KIRREL3: variants seen among roughly 807,000 people sequenced by gnomAD.
The protein encoded by KIRREL3 is kin of IRRE-like protein 3.
KIRREL3 carries 36 observed loss-of-function variants against 89.7 expected under a neutral mutation model. The observed-to-expected ratio is 0.40, with a 90% CI of 0.31 to 0.53. The LOEUF is 0.53. KIRREL3 is among the 20% of genes least tolerant of loss of function. The probability of loss-of-function intolerance (pLI) is 0.49; values close to 1 mark genes in which losing one functional copy is unlikely to be tolerated. For synonymous variants in KIRREL3, 445 were observed against 441.4 expected (o/e 1.01, Z -0.10); for missense variants, 864 against 1,056.6 (o/e 0.82, Z 2.53).
chr11:126,474,852 G>A lies in KIRREL3; in HGVS notation c.434-1386C>T, dbSNP rs1007777617. Among the ~76,000 whole-genome samples, 1 of 152,206 alleles carries A rather than the reference G, an allele frequency of 6.6e-6. No homozygotes were observed. The highest frequency in any genetic ancestry group is 1.5e-5 in the Non-Finnish European group (1 of 68,036). On this transcript the variant is annotated intron_variant, in intron 4 of 16. Coordinates refer to ENST00000525144, the MANE Select transcript of KIRREL3 (RefSeq NM_032531.4). This position sits in a 1 kb window ranked among gnomAD's most constrained non-coding sequence, Gnocchi z 6.7. ...GTTTGGAGGAGAGGCCCAGAAATCT[G>A]AAGTACCTTGCCTAGGACACAGGGC...
rs1256037768 is a variant in KIRREL3, at chr11:126,987,998, T to A, written c.55+12457A>T. Among the ~76,000 whole-genome samples, 1 of 152,184 alleles carries A rather than the reference T, an allele frequency of 6.6e-6. No individual in the cohort carries two copies. The highest frequency in any genetic ancestry group is 1.5e-5 in the Non-Finnish European group (1 of 68,034). On this transcript the variant is annotated intron_variant, in intron 1 of 16. Coordinates refer to ENST00000525144, the MANE Select transcript of KIRREL3 (RefSeq NM_032531.4). The surrounding 1 kb of genome is among the most constrained non-coding windows in gnomAD (Gnocchi z 4.6). ...TAAGAGTCTTTTTATTTCCCCCTAATAACCATTATTAATCATTTCAGAAAC... is the reference window on the plus strand; with the variant it reads ...TAAGAGTCTTTTTATTTCCCCCTAAAAACCATTATTAATCATTTCAGAAAC...
Position 126,761,623 on chromosome 11 carries a change from T to C in KIRREL3, c.56-198711A>G, listed in dbSNP as rs1377358516. Among the ~76,000 whole-genome samples the C allele has an allele frequency of 6.6e-6, 1 of 152,242 alleles. No homozygotes were observed. The highest frequency in any genetic ancestry group is 2.1e-4 in the South Asian group (1 of 4,830). The stretch of plus-strand genomic sequence containing the variant: ...GATTATATGGTTACACTGTTATTAC[T>C]TTGAGACATAGTTACTCTTTCTTCT... On this transcript the variant is annotated intron_variant, in intron 1 of 16. Transcript: ENST00000525144. This position sits in a 1 kb window ranked among gnomAD's most constrained non-coding sequence, Gnocchi z 4.4.
chr11:126,899,291 C>T (rs941263270), intron 1 of KIRREL3, among the ~76,000 whole-genome samples: 1 of 152,128 alleles, frequency 6.6e-6, no homozygotes, highest in African/African-American at 2.4e-5. Context: ...CCTTTCACTC[C>T]TTGTAGACAT....
Position 126,614,027 on chromosome 11 carries a change from T to A in KIRREL3, c.56-51115A>T, listed in dbSNP as rs1248508187. ...TTTGGCTCTTGATTTATGATGAGGT[T>A]CTTTTCTGTGTAATTCTTTTGGCTG... On this transcript the variant is annotated intron_variant, in intron 1 of 16. Transcript: ENST00000525144. The surrounding 1 kb of genome is among the most constrained non-coding windows in gnomAD (Gnocchi z 4.6). Among the ~76,000 whole-genome samples the A allele has an allele frequency of 6.6e-6, 1 of 152,162 alleles. No homozygotes were observed. Among genetic ancestry groups the A allele is most frequent in the Admixed American group, 6.5e-5 (1 of 15,276 alleles).
rs1401229738 is a variant in KIRREL3 at position 126,788,222 on chromosome 11, T to C, written c.55+212233A>G. Reference sequence around the variant, plus strand: ...TGGAAGGAAATCGTTTCTAACCATCTCTTTTTCATTCCTATGGACGTTGCC... The same window carrying C: ...TGGAAGGAAATCGTTTCTAACCATCCCTTTTTCATTCCTATGGACGTTGCC... On this transcript the variant is annotated intron_variant, in intron 1 of 16. Transcript: ENST00000525144. This position sits in a 1 kb window ranked among gnomAD's most constrained non-coding sequence, Gnocchi z 4.1. Among the ~76,000 whole-genome samples, 1 of 152,224 alleles carries C rather than the reference T, an allele frequency of 6.6e-6. No individual in the cohort carries two copies. Among genetic ancestry groups the C allele is most frequent in the Non-Finnish European group, 1.5e-5 (1 of 68,042 alleles).
intron 1 of KIRREL3, among the ~76,000 whole-genome samples, chr11:126,728,603 G>T (rs1948486433): frequency 6.6e-6 from 1 of 152,190 alleles, no homozygotes; most frequent in Non-Finnish European, 1.5e-5. Context: ...TTAGCTTCCA[G>T]GCTGAAGTGG....
chr11:126,532,093 C>A (rs760157036), intron 2 of KIRREL3, among the ~76,000 whole-genome samples: 2 of 152,226 alleles, frequency 1.3e-5, no homozygotes, highest in Non-Finnish European at 2.9e-5. Flanking sequence ...CTTGATGCCA[C>A]ATCTTTGGCT....
Position 126,748,883 on chromosome 11 carries a change from T to C in KIRREL3, c.56-185971A>G, listed in dbSNP as rs963429992. On this transcript the variant is annotated intron_variant, in intron 1 of 16. Coordinates refer to ENST00000525144, the MANE Select transcript of KIRREL3 (RefSeq NM_032531.4). This position sits in a 1 kb window ranked among gnomAD's most constrained non-coding sequence, Gnocchi z 4.6. ...TTTACTCAGTGTATTTACCAAGCAA[T>C]TTGCAAGACCAAGTAATTCCTTCTC... Among the ~76,000 whole-genome samples, 1 of 152,168 alleles carries C rather than the reference T, an allele frequency of 6.6e-6. No homozygotes were observed. Among genetic ancestry groups the C allele is most frequent in the Non-Finnish European group, 1.5e-5 (1 of 68,022 alleles).
chr11:126,930,794 C>T (rs1031859763), intron 1 of KIRREL3, among the ~76,000 whole-genome samples: 1 of 152,154 alleles, frequency 6.6e-6, no homozygotes, highest in Non-Finnish European at 1.5e-5. Flanking sequence ...TGTTACTGTC[C>T]TGCTCAGTGA....
At position 126,948,779 on chromosome 11, in the gene KIRREL3, G is replaced by T. The variant is rs1490182416; in HGVS notation, c.55+51676C>A. Among the ~76,000 whole-genome samples the T allele has an allele frequency of 6.6e-6, 1 of 152,150 alleles. No individual in the cohort carries two copies. The highest frequency in any genetic ancestry group is 2.4e-5 in the African/African-American group (1 of 41,428). ...CAATGGTTAGTTCAACTCCAGCAAG[G>T]CAGACAGCTGGATATGGGGAGGAGT... On this transcript the variant is annotated intron_variant, in intron 1 of 16. Coordinates refer to ENST00000525144, the MANE Select transcript of KIRREL3 (RefSeq NM_032531.4). This position sits in a 1 kb window ranked among gnomAD's most constrained non-coding sequence, Gnocchi z 4.5.
intron 1 of KIRREL3, among the ~76,000 whole-genome samples, chr11:126,586,641 T>C (rs990176491): frequency 2.0e-5 from 3 of 152,130 alleles, no homozygotes; most frequent in Admixed American, 6.5e-5. Context: ...CTCGGGTCTT[T>C]TGGCTTCAGA....
chr11:126,851,450 T>C (rs4937207), intron 1 of KIRREL3, among the ~76,000 whole-genome samples: 128,768 of 152,278 alleles, frequency 0.85, 54,632 homozygotes, highest in East Asian at 1. Flanking sequence ...TGCAAATATT[T>C]ACATGTAAAT....
rs534652288 is a variant in KIRREL3, at chr11:126,764,972, T to G, written c.56-202060A>C. ...GGTTATTTGCTATATTTTGGAAACT[T>G]TTGAGGGTACAAATAGTATACAGGT... On this transcript the variant is annotated intron_variant, in intron 1 of 16. Transcript: ENST00000525144. The surrounding 1 kb of genome is among the most constrained non-coding windows in gnomAD (Gnocchi z 4.2). 1.3e-5 allele frequency among the ~76,000 whole-genome samples: 2 copies of G among 152,300 alleles called. No homozygotes were observed. Among genetic ancestry groups the G allele is most frequent in the South Asian group, 4.1e-4 (2 of 4,826 alleles).
intron 1 of KIRREL3, among the ~76,000 whole-genome samples, chr11:126,680,468 C>T (rs1342707636): frequency 1.3e-5 from 2 of 151,922 alleles, no homozygotes; most frequent in Non-Finnish European, 2.9e-5. Context: ...ATTCTCTCTC[C>T]CCTCCCAGTC....
At chr11:126,927,485 C>G (rs1298458415) in intron 1 of KIRREL3, among the ~76,000 whole-genome samples, 1 of 152,226 alleles carries the variant, frequency 6.6e-6, no homozygotes, top group Admixed American at 6.5e-5. Context: ...TTTTCTTTCT[C>G]TCTTTATTAT....
rs1939447364 is a variant in KIRREL3 at position 126,553,483 on chromosome 11, A to C, written c.133+9352T>G. Among the ~76,000 whole-genome samples, 1 of 152,170 alleles carries C rather than the reference A, an allele frequency of 6.6e-6. No homozygotes were observed. The highest frequency in any genetic ancestry group is 2.1e-4 in the South Asian group (1 of 4,826). ...GGCAGACAGAATAGCTCTTACTGGC[A>C]TTATGTGCCTGAGAGGGTGCAAAGG... On this transcript the variant is annotated intron_variant, in intron 2 of 16. Transcript: ENST00000525144. This position sits in a 1 kb window ranked among gnomAD's most constrained non-coding sequence, Gnocchi z 4.7.
At chr11:126,451,430 G>C (rs540793898) in intron 7 of KIRREL3, among the ~76,000 whole-genome samples, 1 of 151,496 alleles carries the variant, frequency 6.6e-6, no homozygotes, top group African/African-American at 2.4e-5. Context: ...GTGTGAGCGT[G>C]TGCATGTGTG....
intron 1 of KIRREL3, among the ~76,000 whole-genome samples, chr11:126,934,735 G>T (rs565010286): frequency 6.6e-6 from 1 of 152,256 alleles, no homozygotes; most frequent in African/African-American, 2.4e-5. Flanking sequence ...TTAAAACTCA[G>T]CAATAAGAAA....
chr11:126,884,079 A>G (rs1327789283), intron 1 of KIRREL3, among the ~76,000 whole-genome samples: 1 of 152,226 alleles, frequency 6.6e-6, no homozygotes, highest in Non-Finnish European at 1.5e-5. Context: ...TTGGGCCTAC[A>G]TGGATAAGTA....
Sources: gnomAD v4.1 joint callset for allele counts (sites outside exome capture counted in the v4.1 genomes callset) on GRCh38, gnomAD v4.1.1 for gene constraint, Gnocchi (gnomAD v3.1) non-coding constraint, MANE v1.5 for transcripts, NCBI Gene and HGNC (gene_info 2026-07-23, HGNC 2026-07-21) for gene names.